NEDD1: variants seen among roughly 807,000 people sequenced by gnomAD.
The protein encoded by NEDD1 is NEDD1 gamma-tubulin ring complex targeting factor, also known as protein NEDD1.
NEDD1 carries 33 observed loss-of-function variants against 74.0 expected under a neutral mutation model. That is an observed-to-expected ratio of 0.45 (90% CI 0.34 to 0.60). NEDD1 has a LOEUF of 0.60. NEDD1 is among the 20% of genes least tolerant of loss of function. The pLI is 0.01. For synonymous variants in NEDD1, 250 were observed against 264.4 expected (o/e 0.95, Z 0.53); for missense variants, 746 against 776.5 (o/e 0.96, Z 0.47).
chr12:96,951,943 T>C lies in NEDD1; in HGVS notation c.1879-6T>C, dbSNP rs1878747682. 1 of 1,467,222 alleles carries C rather than the reference T, an allele frequency of 6.8e-7. No individual in the cohort carries two copies. 90.9% of individuals were successfully genotyped at this position (1,467,222 alleles called of 1,614,324 possible). A position where few individuals can be genotyped will look rare whatever the true frequency, so the allele number is the denominator to read the frequency against. On this transcript the variant is annotated splice_region_variant and splice_polypyrimidine_tract_variant and intron_variant, in intron 15 of 15. Transcript: ENST00000266742. Reference sequence around the variant, plus strand: ...TAATTTAAAAAGCATTTTCCTGTTTTTCTAGAATGAAATGCATTCTTTGCT... The same window carrying C: ...TAATTTAAAAAGCATTTTCCTGTTTCTCTAGAATGAAATGCATTCTTTGCT...
At chr12:96,932,567 C>A (rs1217527567) in intron 6 of NEDD1, among the ~76,000 whole-genome samples, 30 of 56,154 alleles carry the variant, frequency 5.3e-4, no homozygotes, top group Middle Eastern at 0.023. Flanking sequence ...TTTTGTTTAT[C>A]CAGGATTCTT....
At chr12:96,923,702 A>G (rs1180573329) in intron 6 of NEDD1, among the ~76,000 whole-genome samples, 2 of 151,528 alleles carry the variant, frequency 1.3e-5, no homozygotes, top group Non-Finnish European at 2.9e-5. Flanking sequence ...TTTCTTATGT[A>G]TTGCAGGTAG....
intron 6 of NEDD1, among the ~76,000 whole-genome samples, chr12:96,925,313 G>A (rs1349579970): frequency 6.6e-6 from 1 of 152,210 alleles, no homozygotes. Flanking sequence ...ATTGTAAGCA[G>A]AGGTTATCAC....
chr12:96,928,702 T>A (rs1484375161), intron 6 of NEDD1, among the ~76,000 whole-genome samples: 3 of 148,424 alleles, frequency 2.0e-5, no homozygotes, highest in Non-Finnish European at 4.5e-5. Context: ...TTTTTTTTTT[T>A]TTGAGGCAGA....
chr12:96,917,800 C>A, intron 5 of NEDD1, 63 bp downstream of exon 5: 1 of 1,461,688 alleles, frequency 6.8e-7, no homozygotes, highest in Admixed American at 2.8e-5. Flanking sequence ...AGAGTACTTA[C>A]CAAGCTTTTA....
intron 6 of NEDD1, among the ~76,000 whole-genome samples, chr12:96,934,560 CAG>C (rs1489678823): frequency 5.3e-5 from 8 of 150,548 alleles, no homozygotes; most frequent in Middle Eastern, 3.4e-3. Flanking sequence ...GTTTTTAAGA[CAG>C]AGTCTCACTC....
At chr12:96,951,070 A>C (rs1214941524) in intron 14 of NEDD1, among the ~76,000 whole-genome samples, 1 of 151,846 alleles carries the variant, frequency 6.6e-6, no homozygotes, top group Non-Finnish European at 1.5e-5. Flanking sequence ...TATATAAAGG[A>C]ATATAGTATC....
rs138808248 is a variant in NEDD1, at chr12:96,944,885, A to G, written c.1654+90A>G. 531 of 974,326 alleles carry G rather than the reference A, an allele frequency of 5.4e-4. 6 individuals are homozygous for G. The East Asian group carries it at 0.013, about 23-fold the overall frequency. 60.4% of individuals were successfully genotyped at this position (974,326 alleles called of 1,614,324 possible). On this transcript the variant is annotated intron_variant, in intron 13 of 15. Transcript: ENST00000266742. ...CTTGTAAAGGAGAAATAGAGTAATCATAGACTAAAAATGTTCAAAGAGTTT... is the reference window on the plus strand; with the variant it reads ...CTTGTAAAGGAGAAATAGAGTAATCGTAGACTAAAAATGTTCAAAGAGTTT...
At chr12:96,940,177 C>G (rs1029806445) in intron 9 of NEDD1, among the ~76,000 whole-genome samples, 7 of 151,900 alleles carry the variant, frequency 4.6e-5, no homozygotes, top group Admixed American at 2.0e-4. Flanking sequence ...TTTTGAGGAA[C>G]CTTTTGTTCC....
intron 6 of NEDD1, among the ~76,000 whole-genome samples, chr12:96,926,223 A>C (rs1343541740): frequency 1.3e-5 from 2 of 152,190 alleles, no homozygotes; most frequent in Non-Finnish European, 2.9e-5. Flanking sequence ...CTCCAAACCC[A>C]GTTGCAACTT....
chr12:96,915,016 G>A (rs1874294686), intron 4 of NEDD1, among the ~76,000 whole-genome samples: 1 of 152,168 alleles, frequency 6.6e-6, no homozygotes, highest in Non-Finnish European at 1.5e-5. Context: ...TGTTTTGATA[G>A]TTCTTAGCAA....
intron 6 of NEDD1, among the ~76,000 whole-genome samples, chr12:96,922,005 A>G (rs1345788596): frequency 6.6e-6 from 1 of 152,182 alleles, no homozygotes; most frequent in Non-Finnish European, 1.5e-5. Context: ...CCAATGTGAG[A>G]AAAGATTGGA....
At position 96,921,467 on chromosome 12, in the gene NEDD1, C is replaced by T. The variant is rs118120574; in HGVS notation, c.489+1342C>T. ...AAGTGTTAGGATTACAGGTATGAGC[C>T]ACTGCACCCAGCCAGGGTTAGTCTT... On this transcript the variant is annotated intron_variant, in intron 6 of 15. Transcript: ENST00000266742. 1.0e-2 allele frequency among the ~76,000 whole-genome samples: 1,519 copies of T among 152,250 alleles called. 67 individuals carry two copies. Among genetic ancestry groups the T allele is most frequent in the East Asian group, 0.094 (486 of 5,168 alleles).
chr12:96,942,143 TATTTC>T (rs1877723433), intron 10 of NEDD1, among the ~76,000 whole-genome samples: 1 of 152,150 alleles, frequency 6.6e-6, no homozygotes, highest in Non-Finnish European at 1.5e-5. Flanking sequence ...ATTTTTGTAT[TATTTC>T]AATTGATCCT....
At chr12:96,938,382 G>A (rs1367468923) in intron 9 of NEDD1, among the ~76,000 whole-genome samples, 1 of 151,968 alleles carries the variant, frequency 6.6e-6, no homozygotes, top group African/African-American at 2.4e-5. Flanking sequence ...TTTGAGTAAT[G>A]TCTGCCAACA....
At position 96,953,582 on chromosome 12, in the gene NEDD1, A is replaced by G. The variant is rs535504981; in HGVS notation, c.*1529A>G. On this transcript the variant is annotated 3_prime_UTR_variant, in exon 16 of 16. Coordinates refer to ENST00000266742, the MANE Select transcript of NEDD1 (RefSeq NM_152905.4). ...ATAAATACACATAATGTATATTAAAAGAGGTGGGATGAAATAATTTTAGTA... is the reference window on the plus strand; with the variant it reads ...ATAAATACACATAATGTATATTAAAGGAGGTGGGATGAAATAATTTTAGTA... 9.9e-5 allele frequency: 15 copies of G among 151,770 alleles called. No individual in the cohort carries two copies. The highest frequency in any genetic ancestry group is 1.8e-4 in the Non-Finnish European group (12 of 67,816). 9.4% of individuals were successfully genotyped at this position (151,770 alleles called of 1,614,324 possible). A position where few individuals can be genotyped will look rare whatever the true frequency, so the allele number is the denominator to read the frequency against.
chr12:96,932,993 T>G (rs897660159), intron 6 of NEDD1, among the ~76,000 whole-genome samples: 2 of 151,774 alleles, frequency 1.3e-5, no homozygotes, highest in Non-Finnish European at 2.9e-5. Flanking sequence ...TATCATTATC[T>G]TTAGCCTTTT....
At chr12:96,938,593 C>T (rs931401015) in intron 9 of NEDD1, among the ~76,000 whole-genome samples, 17 of 151,964 alleles carry the variant, frequency 1.1e-4, no homozygotes, top group African/African-American at 3.1e-4. Context: ...CATGGATTAA[C>T]GATAACTCTT....
chr12:96,937,502 T>A, intron 9 of NEDD1, 109 bp downstream of exon 9: 1 of 508,282 alleles, frequency 2.0e-6, no homozygotes, highest in Non-Finnish European at 3.4e-6. Flanking sequence ...AACTCAAATT[T>A]ATTTGAGTAC....
Sources: allele counts gnomAD v4.1 joint callset (sites outside exome capture counted in the v4.1 genomes callset), GRCh38; gene constraint gnomAD v4.1.1; transcripts MANE v1.5; gene names NCBI Gene and HGNC (gene_info 2026-07-23, HGNC 2026-07-21).